MTMR2: variants seen among roughly 807,000 people sequenced by gnomAD.
The protein encoded by MTMR2 is myotubularin related protein 2.
A neutral mutation model predicts 86.9 loss-of-function variants in MTMR2; 55 were observed. The ratio of observed to expected loss-of-function variants is 0.63; its 90% CI spans 0.51 to 0.79. The LOEUF (loss-of-function observed/expected upper bound fraction) is 0.79, where lower values mean the gene tolerates loss of function less well. Ranked by LOEUF, MTMR2 falls within the 30% of genes least tolerant of loss-of-function variation. The pLI is 0.00. For missense variants in MTMR2, 659 were observed against 772.3 expected, an observed-to-expected ratio of 0.85 and a Z score of 1.74; for synonymous variants, 241 against 266.8, an observed-to-expected ratio of 0.90 and a Z score of 0.94.
intron 2 of MTMR2, among the ~76,000 whole-genome samples, chr11:95,882,725 G>GTT (rs572839295): frequency 5.5e-5 from 7 of 127,958 alleles, no homozygotes; most frequent in East Asian, 2.2e-4. Flanking sequence ...ATTTTGTGTT[G>GTT]TTTTTTTTTT....
chr11:95,865,360 A>G, intron 3 of MTMR2: 2 of 502,204 alleles, frequency 4.0e-6, no homozygotes, highest in Non-Finnish European at 7.1e-6. Context: ...AAAACAAACC[A>G]GAGAAGAGGC....
intron 3 of MTMR2, 29 bp downstream of exon 3, chr11:95,865,572 G>T: frequency 6.3e-7 from 1 of 1,588,226 alleles, no homozygotes; most frequent in Non-Finnish European, 8.6e-7. Flanking sequence ...AACGGAGAAG[G>T]ACATTAAGCA....
intron 1 of MTMR2, among the ~76,000 whole-genome samples, chr11:95,894,972 T>C (rs1865830744): frequency 6.6e-6 from 1 of 152,160 alleles, no homozygotes; most frequent in Non-Finnish European, 1.5e-5. Flanking sequence ...TTATACAAGA[T>C]AATTTCATGA....
rs1863165109 is a variant in MTMR2 at position 95,834,518 on chromosome 11, A to G, written c.*772T>C. The G allele has an allele frequency of 6.6e-6, 1 of 152,100 alleles. No individual in the cohort carries two copies. The highest frequency in any genetic ancestry group is 6.6e-5 in the Admixed American group (1 of 15,238). 9.4% of individuals were successfully genotyped at this position (152,100 alleles called of 1,614,324 possible). A position where few individuals can be genotyped will look rare whatever the true frequency, so the allele number is the denominator to read the frequency against. ...CAAGACAAGTGAAATACACTGTAGTAAATAATTAGTTTTTAAAATATCTTT... is the reference window on the plus strand; with the variant it reads ...CAAGACAAGTGAAATACACTGTAGTGAATAATTAGTTTTTAAAATATCTTT... On this transcript the variant is annotated 3_prime_UTR_variant, in exon 15 of 15. Coordinates refer to ENST00000346299, the MANE Select transcript of MTMR2 (RefSeq NM_016156.6).
At chr11:95,908,379 AG>A (rs1020119113) in intron 1 of MTMR2, among the ~76,000 whole-genome samples, 2 of 152,178 alleles carry the variant, frequency 1.3e-5, no homozygotes, top group Non-Finnish European at 2.9e-5. Flanking sequence ...GCTCATGGAT[AG>A]GAAGAATCAA....
At chr11:95,845,882 TAAAAAA>T (rs201863810) in intron 10 of MTMR2, among the ~76,000 whole-genome samples, 1 of 90,100 alleles carries the variant, frequency 1.1e-5, no homozygotes. Context: ...TATGGTATCT[TAAAAAA>T]AAAAAAAAAA....
At position 95,845,120 on chromosome 11, in the gene MTMR2, C is replaced by T. The variant is rs769640482; in HGVS notation, c.1219G>A (p.Glu407Lys). ...ACTACCACAGACGTCTTCCCTGACT[C>T]TACCTTGTCAGCAATCCTAAGAGCC... ...AGALRIADKV[E>K]SGKTSVVVHC... is the part of the protein sequence containing the mutation. Residue 407 changes from glutamate (E) to lysine (K), a missense_variant, in exon 11 of 15, where the codon GAG becomes AAG. Glu to Lys is a moderately conservative substitution (Grantham distance 56). Coordinates refer to ENST00000346299, the MANE Select transcript of MTMR2 (RefSeq NM_016156.6). The T allele has an allele frequency of 6.2e-7, 1 of 1,613,928 alleles. No homozygotes were observed. The highest frequency in any genetic ancestry group is 8.5e-7 in the Non-Finnish European group (1 of 1,179,868).
Position 95,841,656 on chromosome 11 carries a change from A to G in MTMR2, c.1440T>C (p.Phe480=). The change falls in exon 12 of 15, where the codon TTT becomes TTC. Residue 480 remains phenylalanine, a synonymous_variant. Coordinates refer to ENST00000346299, the MANE Select transcript of MTMR2 (RefSeq NM_016156.6). The part of the protein sequence containing the change: ...NHADADRSPV[F]LQFIDCVWQM... Reference sequence around the variant, plus strand: ...GCCAGACACAGTCAATAAATTGAAGAAAAACAGGCGATCTGTCTGCATCTG... The same window carrying G: ...GCCAGACACAGTCAATAAATTGAAGGAAAACAGGCGATCTGTCTGCATCTG... 1 of 1,613,912 alleles carries G rather than the reference A, an allele frequency of 6.2e-7. No homozygotes were observed. The highest frequency in any genetic ancestry group is 8.5e-7 in the Non-Finnish European group (1 of 1,179,824).
intron 2 of MTMR2, among the ~76,000 whole-genome samples, chr11:95,874,174 T>G (rs1865005088): frequency 6.6e-6 from 1 of 152,204 alleles, no homozygotes; most frequent in African/African-American, 2.4e-5. Context: ...CTCACTGATC[T>G]GTCTAATATT....
intron 1 of MTMR2, among the ~76,000 whole-genome samples, chr11:95,891,355 G>A (rs896348777): frequency 6.6e-6 from 1 of 151,956 alleles, no homozygotes; most frequent in Admixed American, 6.6e-5. Context: ...GGAGGCTGAA[G>A]CATGAGAATC....
Position 95,836,307 on chromosome 11 carries a change from A to G in MTMR2, c.1611T>C (p.Thr537=), listed in dbSNP as rs1565342773. ...QRGKENLPKR[T]VSLWSYINSQ... is the part of the protein sequence containing the mutation. ...TGTTTATGTAAGACCACAGTGACAC[A>G]GTCCTTTTAGGAAGATTCTGTAGGC... Residue 537 remains threonine (T), a synonymous_variant, in exon 14 of 15, where the codon ACT becomes ACC. Transcript: ENST00000346299. 1 of 1,612,836 alleles carries G rather than the reference A, an allele frequency of 6.2e-7. No individual in the cohort carries two copies. The highest frequency in any genetic ancestry group is 8.5e-7 in the Non-Finnish European group (1 of 1,179,040).
Position 95,865,631 on chromosome 11 carries a change from A to G in MTMR2, c.232T>C (p.Leu78=). 6.2e-7 allele frequency: 1 copy of G among 1,613,950 alleles called. No homozygotes were observed. The highest frequency in any genetic ancestry group is 1.7e-4 in the Middle Eastern group (1 of 6,060). The change falls in exon 3 of 15, where the codon TTG becomes CTG. Residue 78 remains leucine, a synonymous_variant. Transcript: ENST00000346299. ...NKLAEMEEPP[L]LPGENIKDMA... Reference sequence around the variant, plus strand: ...TCTTTAATATTTTCTCCTGGAAGCAAGGGTGGTTCTTCCATTTCTGCTAAC... The same window carrying G: ...TCTTTAATATTTTCTCCTGGAAGCAGGGGTGGTTCTTCCATTTCTGCTAAC...
In MTMR2 at chr11:95,879,857, A is replaced by G. The variant is rs182891444; in HGVS notation, c.186+8299T>C. On this transcript the variant is annotated intron_variant, in intron 2 of 14. Coordinates refer to ENST00000346299, the MANE Select transcript of MTMR2 (RefSeq NM_016156.6). ...TATCTTGTCAAATTTTAACCATATTATTTATAGAATAAGCAAAAATTAAAA... is the reference window on the plus strand; with the variant it reads ...TATCTTGTCAAATTTTAACCATATTGTTTATAGAATAAGCAAAAATTAAAA... Among the ~76,000 whole-genome samples, 25 of 152,252 alleles carry G rather than the reference A, an allele frequency of 1.6e-4. No individual in the cohort carries two copies. In the East Asian group the frequency reaches 4.8e-3, roughly 29 times the overall value.
intron 2 of MTMR2, among the ~76,000 whole-genome samples, chr11:95,871,329 G>C (rs1384464122): frequency 6.6e-6 from 1 of 152,196 alleles, no homozygotes; most frequent in African/African-American, 2.4e-5. Context: ...TTCCACAATG[G>C]TTGAACTAGT....
At chr11:95,883,098 T>C (rs1865394710) in intron 2 of MTMR2, among the ~76,000 whole-genome samples, 1 of 152,004 alleles carries the variant, frequency 6.6e-6, no homozygotes, top group Non-Finnish European at 1.5e-5. Context: ...CAAACATTGG[T>C]ATAAAACAAC....
At chr11:95,854,710 C>T (rs568044682) in intron 7 of MTMR2, among the ~76,000 whole-genome samples, 13 of 152,226 alleles carry the variant, frequency 8.5e-5, no homozygotes, top group South Asian at 6.2e-4. Context: ...AAGCAATCCT[C>T]CCACCTTGGC....
At chr11:95,882,786 G>A (rs1264336545) in intron 2 of MTMR2, among the ~76,000 whole-genome samples, 30 of 145,940 alleles carry the variant, frequency 2.1e-4, no homozygotes, top group Non-Finnish European at 4.0e-4. Context: ...GCAGTGGCAC[G>A]ATCTTGGCTC....
chr11:95,918,186 T>C (rs1866779244), intron 1 of MTMR2, among the ~76,000 whole-genome samples: 1 of 152,188 alleles, frequency 6.6e-6, no homozygotes, highest in Non-Finnish European at 1.5e-5. Flanking sequence ...AGGCACCAAT[T>C]AGCAAAAGAT....
At chr11:95,914,279 G>C (rs985120993) in intron 1 of MTMR2, 111 of 968,188 alleles carry the variant, frequency 1.1e-4, no homozygotes, top group Non-Finnish European at 1.3e-4. Context: ...CACTTCTGAT[G>C]ATCTTCAAAT....
Sources: gnomAD v4.1 joint callset for allele counts (sites outside exome capture counted in the v4.1 genomes callset) on GRCh38, gnomAD v4.1.1 for gene constraint, MANE v1.5 for transcripts, NCBI Gene and HGNC (gene_info 2026-07-23, HGNC 2026-07-21) for gene names.